The following RAD51B variants were observed in gnomAD, a reference collection of about 807,000 sequenced individuals.
RAD51B encodes DNA repair protein RAD51 homolog 2.
RAD51B carries 38 observed loss-of-function variants against 42.2 expected under a neutral mutation model. The ratio of observed to expected loss-of-function variants is 0.90; its 90% CI spans 0.70 to 1.18. The LOEUF (loss-of-function observed/expected upper bound fraction) is 1.18, where lower values mean the gene tolerates loss of function less well. RAD51B is among the 50% of genes most tolerant of loss of function. The pLI is 0.00. For missense variants in RAD51B, 373 were observed against 400.7 expected, an observed-to-expected ratio of 0.93 and a Z score of 0.59; for synonymous variants, 154 against 145.2, an observed-to-expected ratio of 1.06 and a Z score of -0.43.
intron 10 of RAD51B, among the ~76,000 whole-genome samples, chr14:68,648,990 T>C (rs1566963860): frequency 6.6e-6 from 1 of 152,134 alleles, no homozygotes; most frequent in Non-Finnish European, 1.5e-5. Flanking sequence ...TGCACAATCC[T>C]GGCTGTCTCC....
chr14:68,032,834 T>C (rs1391235517), intron 7 of RAD51B, among the ~76,000 whole-genome samples: 3 of 152,220 alleles, frequency 2.0e-5, no homozygotes, highest in African/African-American at 7.2e-5. Flanking sequence ...TTCAGCTCTA[T>C]CTTATACCAC....
At chr14:67,967,428 T>C (rs2208157) in intron 7 of RAD51B, among the ~76,000 whole-genome samples, 150,905 of 152,332 alleles carry the variant, frequency 0.99, 74,787 homozygotes, top group Middle Eastern at 1. Flanking sequence ...AAGTGTCATC[T>C]GAGACAAGGC....
At position 68,653,324 on chromosome 14, in the gene RAD51B, C is replaced by T. The variant is rs146363164; in HGVS notation, c.*11+2468C>T. On this transcript the variant is annotated intron_variant, in intron 11 of 11. Transcript: ENST00000488612. ...ACTATGAGCATGACTGGGAATAGCG[C>T]ACTATGAGCATGGCACCCCAGCCTG... 3.3e-3 allele frequency among the ~76,000 whole-genome samples: 506 copies of T among 152,240 alleles called. 6 individuals carry two copies. Among genetic ancestry groups the T allele is most frequent in the Admixed American group, 0.016 (244 of 15,294 alleles).
chr14:68,521,834 A>T (rs570473505), intron 10 of RAD51B, among the ~76,000 whole-genome samples: 99 of 152,356 alleles, frequency 6.5e-4, no homozygotes, highest in Middle Eastern at 3.4e-3. Context: ...CAATTACAGT[A>T]GCTAACATTT....
chr14:67,992,264 A>T (rs1406752131), intron 7 of RAD51B, among the ~76,000 whole-genome samples: 5 of 152,216 alleles, frequency 3.3e-5, no homozygotes, highest in Non-Finnish European at 7.4e-5. Context: ...TTTGATGGGC[A>T]ACCCTTTGGA....
chr14:68,146,189 C>A (rs1480788730), intron 7 of RAD51B, among the ~76,000 whole-genome samples: 1 of 152,118 alleles, frequency 6.6e-6, no homozygotes, highest in Non-Finnish European at 1.5e-5. Flanking sequence ...GTGGCACATG[C>A]CTATAATCCT....
rs573386210 is a variant in RAD51B at position 68,661,763 on chromosome 14, C to A, written c.*11+10907C>A. Among the ~76,000 whole-genome samples the A allele has an allele frequency of 1.1e-3, 160 of 152,288 alleles. 7 individuals are homozygous for A. The South Asian group carries it at 0.032, about 31-fold the overall frequency. ...GGTAGAGGTCTCTTCTCCAACAGCC[C>A]TGGGTGCGAACATCTCTAAGGGAAG... On this transcript the variant is annotated intron_variant, in intron 11 of 11. Transcript: ENST00000488612.
chr14:68,092,846 T>C (rs1178514866), intron 7 of RAD51B, among the ~76,000 whole-genome samples: 1 of 152,056 alleles, frequency 6.6e-6, no homozygotes, highest in African/African-American at 2.4e-5. Flanking sequence ...TTGTCATAGA[T>C]AGCTCTTATT....
intron 10 of RAD51B, among the ~76,000 whole-genome samples, chr14:68,619,490 A>G (rs1031094775): frequency 6.6e-6 from 1 of 152,052 alleles, no homozygotes; most frequent in Admixed American, 6.5e-5. Context: ...AAAAGTTAAA[A>G]GATAGAGATT....
intron 8 of RAD51B, among the ~76,000 whole-genome samples, chr14:68,335,271 TG>T (rs2082428660): frequency 7.7e-6 from 1 of 130,284 alleles, no homozygotes; most frequent in Non-Finnish European, 1.6e-5. Flanking sequence ...CACTCCAGCC[TG>T]GGTGACAGAG....
intron 7 of RAD51B, among the ~76,000 whole-genome samples, chr14:68,239,917 C>T (rs2080346459): frequency 6.6e-6 from 1 of 152,170 alleles, no homozygotes; most frequent in African/African-American, 2.4e-5. Context: ...TGTGAAAAAG[C>T]TACATTAGTC....
intron 9 of RAD51B, among the ~76,000 whole-genome samples, chr14:68,422,898 T>C (rs73276290): frequency 0.18 from 27,995 of 152,086 alleles, 2,856 homozygotes; most frequent in Non-Finnish European, 0.23. Flanking sequence ...CTTCCCTGGA[T>C]TTTTAAATCA....
At chr14:68,635,920 C>G (rs1341843195) in intron 10 of RAD51B, among the ~76,000 whole-genome samples, 4 of 152,104 alleles carry the variant, frequency 2.6e-5, no homozygotes, top group Non-Finnish European at 5.9e-5. Context: ...TGCTACCTCT[C>G]CTTGCCTTTC....
rs551149192 is a variant in RAD51B, at chr14:68,625,971, G to A, written c.1037-24810G>A. 8.5e-5 allele frequency among the ~76,000 whole-genome samples: 13 copies of A among 152,290 alleles called. No individual in the cohort carries two copies. The South Asian group carries it at 2.7e-3, about 32-fold the overall frequency. On this transcript the variant is annotated intron_variant, in intron 10 of 11. Coordinates refer to the RAD51B transcript ENST00000488612. ...CCATGGTGTGGCTGGCTCCTGGGTG[G>A]GCCCAAATAGCATGTTCATCAGTTA...
At chr14:67,824,369 TG>T (rs2040737638) in intron 2 of RAD51B, among the ~76,000 whole-genome samples, 1 of 152,198 alleles carries the variant, frequency 6.6e-6, no homozygotes, top group Non-Finnish European at 1.5e-5. Flanking sequence ...GTGATTCTCC[TG>T]CTTCCATCTC....
chr14:67,981,392 A>G (rs1024377418), intron 7 of RAD51B, among the ~76,000 whole-genome samples: 1 of 152,238 alleles, frequency 6.6e-6, no homozygotes, highest in African/African-American at 2.4e-5. Context: ...CACTTTAAAA[A>G]ATAGTTTGGC....
chr14:68,429,674 A>G (rs1432746562), intron 9 of RAD51B, among the ~76,000 whole-genome samples: 1 of 152,134 alleles, frequency 6.6e-6, no homozygotes, highest in Non-Finnish European at 1.5e-5. Context: ...GTAGATTGCA[A>G]AAATTTTCTC....
chr14:68,529,228 A>T (rs1887122098), intron 10 of RAD51B, among the ~76,000 whole-genome samples: 2 of 152,062 alleles, frequency 1.3e-5, no homozygotes. Flanking sequence ...ACAGGATCTC[A>T]CTCTGTCACC....
intron 7 of RAD51B, among the ~76,000 whole-genome samples, chr14:68,194,696 C>T (rs932520140): frequency 6.6e-6 from 1 of 152,074 alleles, no homozygotes; most frequent in African/African-American, 2.4e-5. Context: ...GAGTCTTTTG[C>T]AAATCTGTAA....
Sources: allele counts gnomAD v4.1 joint callset (sites outside exome capture counted in the v4.1 genomes callset), GRCh38; gene constraint gnomAD v4.1.1; transcripts MANE v1.5; gene names NCBI Gene and HGNC (gene_info 2026-07-23, HGNC 2026-07-21).